Variants in MYO3B observed in about 807,000 individuals in gnomAD.
MYO3B encodes myosin-IIIb.
Under a neutral mutation model 174.6 loss-of-function variants are expected in MYO3B, and 156 were observed. The observed-to-expected ratio is 0.89, with a 90% CI of 0.78 to 1.02. MYO3B has a LOEUF of 1.02. Among genes scored for constraint, MYO3B ranks in the 50% least tolerant of loss-of-function variants. The pLI, the probability that MYO3B is intolerant of heterozygous loss-of-function variation, is 0.00. For synonymous variants in MYO3B, 563 were observed against 569.1 expected (o/e 0.99, Z 0.15); for missense variants, 1,632 against 1,639.4 (o/e 1.00, Z 0.08).
chr2:170,587,864 C>T (rs189922577), intron 32 of MYO3B, among the ~76,000 whole-genome samples: 1 of 152,286 alleles, frequency 6.6e-6, no homozygotes, highest in Admixed American at 6.5e-5. Context: ...GATATGAAAG[C>T]AGCTGAAGAA....
chr2:170,620,102 T>C (rs1373197010), intron 32 of MYO3B, among the ~76,000 whole-genome samples: 3 of 152,140 alleles, frequency 2.0e-5, no homozygotes, highest in Admixed American at 1.3e-4. Flanking sequence ...GTAAGGCTTA[T>C]AAGGACTTTG....
chr2:170,575,830 A>G (rs1420632067), intron 32 of MYO3B, among the ~76,000 whole-genome samples: 1 of 152,218 alleles, frequency 6.6e-6, no homozygotes, highest in Non-Finnish European at 1.5e-5. Context: ...AGTGTGTCCA[A>G]GCTTAACAAA....
chr2:170,398,938 C>A (rs1271167992), intron 16 of MYO3B, among the ~76,000 whole-genome samples: 1 of 152,002 alleles, frequency 6.6e-6, no homozygotes, highest in Non-Finnish European at 1.5e-5. Context: ...GCAGTTCCAA[C>A]CTGTGTTGTT....
chr2:170,483,838 A>C (rs1685857520), intron 25 of MYO3B, among the ~76,000 whole-genome samples: 1 of 152,218 alleles, frequency 6.6e-6, no homozygotes, highest in South Asian at 2.1e-4. Context: ...CCCTAGCTGC[A>C]GACCTGGCTC....
intron 7 of MYO3B, among the ~76,000 whole-genome samples, chr2:170,332,986 A>G (rs34928147): frequency 0.092 from 13,926 of 152,178 alleles, 902 homozygotes; most frequent in Non-Finnish European, 0.14. Flanking sequence ...ATTTCAGTCA[A>G]ATCTACTCAG....
intron 25 of MYO3B, among the ~76,000 whole-genome samples, chr2:170,490,712 T>C (rs1232765977): frequency 6.6e-6 from 1 of 152,176 alleles, no homozygotes; most frequent in African/African-American, 2.4e-5. Context: ...ATTCAGAAAG[T>C]TGTCTCCTAG....
At chr2:170,624,040 T>C (rs1029847963) in intron 32 of MYO3B, among the ~76,000 whole-genome samples, 5 of 152,246 alleles carry the variant, frequency 3.3e-5, no homozygotes, top group Non-Finnish European at 7.3e-5. Context: ...GGCTTCAGAT[T>C]GACTTGGCAA....
chr2:170,498,131 C>T (rs1433270029), intron 25 of MYO3B, among the ~76,000 whole-genome samples: 2 of 152,078 alleles, frequency 1.3e-5, no homozygotes, highest in Admixed American at 6.6e-5. Context: ...AATAGCTCAG[C>T]AGAATCAGTA....
intron 8 of MYO3B, among the ~76,000 whole-genome samples, chr2:170,360,316 T>C (rs890290827): frequency 6.6e-6 from 1 of 152,176 alleles, no homozygotes; most frequent in African/African-American, 2.4e-5. Context: ...AAGCAGACCA[T>C]GACTGTTTGT....
chr2:170,575,046 T>C (rs1389379260), intron 32 of MYO3B, among the ~76,000 whole-genome samples: 2 of 152,168 alleles, frequency 1.3e-5, no homozygotes, highest in Non-Finnish European at 2.9e-5. Flanking sequence ...CTATAACTTA[T>C]AATCAGAGAT....
chr2:170,393,828 G>A (rs907013878), intron 16 of MYO3B, among the ~76,000 whole-genome samples: 55 of 152,232 alleles, frequency 3.6e-4, no homozygotes, highest in African/African-American at 1.3e-3. Context: ...AATCCCAAAG[G>A]TCAGATAAAA....
intron 30 of MYO3B, among the ~76,000 whole-genome samples, chr2:170,520,249 C>T (rs1354524858): frequency 5.3e-5 from 8 of 151,922 alleles, no homozygotes; most frequent in Non-Finnish European, 8.8e-5. Context: ...AAAGCCTCCC[C>T]GCAGCAAAGA....
At chr2:170,622,749 T>A (rs1575270610) in intron 32 of MYO3B, among the ~76,000 whole-genome samples, 2 of 111,424 alleles carry the variant, frequency 1.8e-5, no homozygotes, top group South Asian at 3.6e-4. Flanking sequence ...CAGGCCCCGG[T>A]GTGTGATGTT....
At chr2:170,188,729 CA>C (rs1191197743) in intron 1 of MYO3B, among the ~76,000 whole-genome samples, 2 of 152,034 alleles carry the variant, frequency 1.3e-5, no homozygotes, top group East Asian at 3.9e-4. Context: ...AGCAAACAGG[CA>C]AAGAGAAATT....
chr2:170,397,313 T>C (rs1233418762), intron 16 of MYO3B, among the ~76,000 whole-genome samples: 1 of 152,188 alleles, frequency 6.6e-6, no homozygotes, highest in Non-Finnish European at 1.5e-5. Context: ...GTAATGTTTA[T>C]AGGAAGTTGT....
chr2:170,618,330 T>TA (rs1463839812), intron 32 of MYO3B, among the ~76,000 whole-genome samples: 2 of 152,014 alleles, frequency 1.3e-5, no homozygotes, highest in Non-Finnish European at 2.9e-5. Flanking sequence ...GTAACAGAGG[T>TA]AGAAGGATCA....
chr2:170,264,429 A>G (rs928258649), intron 7 of MYO3B, among the ~76,000 whole-genome samples: 2 of 152,168 alleles, frequency 1.3e-5, no homozygotes, highest in African/African-American at 4.8e-5. Context: ...TGGAAGTTAC[A>G]CCCATCACTT....
At position 170,206,927 on chromosome 2, in the gene MYO3B, C is replaced by T. The variant is rs894757536; in HGVS notation, c.321+6643C>T. Among the ~76,000 whole-genome samples the T allele has an allele frequency of 1.3e-5, 2 of 152,142 alleles. No homozygotes were observed. The highest frequency in any genetic ancestry group is 2.9e-5 in the Non-Finnish European group (2 of 68,026). On this transcript the variant is annotated intron_variant, in intron 3 of 34. Transcript: ENST00000408978. This position sits in a 1 kb window ranked among gnomAD's most constrained non-coding sequence, Gnocchi z 4.3. ...ATCATGAGGTCCTCATGTCCTTTGTCCTTATTTAAACTCTAACCTTATCCC... is the reference window on the plus strand; with the variant it reads ...ATCATGAGGTCCTCATGTCCTTTGTTCTTATTTAAACTCTAACCTTATCCC...
intron 9 of MYO3B, among the ~76,000 whole-genome samples, chr2:170,370,070 G>C (rs145458667): frequency 9.2e-5 from 14 of 152,062 alleles, no homozygotes; most frequent in Non-Finnish European, 1.9e-4. Context: ...CTAAGAAATA[G>C]ATCTTCAATT....
Sources: gnomAD v4.1 joint callset for allele counts (sites outside exome capture counted in the v4.1 genomes callset) on GRCh38, gnomAD v4.1.1 for gene constraint, Gnocchi (gnomAD v3.1) non-coding constraint, MANE v1.5 for transcripts, NCBI Gene and HGNC (gene_info 2026-07-23, HGNC 2026-07-21) for gene names.